Variants in GCM2 observed in about 807,000 individuals in gnomAD.
GCM2 encodes the protein GCM transcription factor 2.
Under a neutral mutation model 24.8 loss-of-function variants are expected in GCM2, and 21 were observed. That is an observed-to-expected ratio of 0.85 (90% CI 0.60 to 1.22). The LOEUF is 1.22. GCM2 is among the 50% of genes most tolerant of loss of function. GCM2 has a pLI of 0.00. For missense variants in GCM2, 532 were observed against 645.6 expected, an observed-to-expected ratio of 0.82 and a Z score of 1.91; for synonymous variants, 222 against 238.0, an observed-to-expected ratio of 0.93 and a Z score of 0.62.
chr6:10,878,230 TC>T (rs1404082444), intron 1 of GCM2, among the ~76,000 whole-genome samples: 1 of 152,224 alleles, frequency 6.6e-6, no homozygotes, highest in Non-Finnish European at 1.5e-5. Context: ...TATTTGGTAG[TC>T]TTTGTCAATT....
chr6:10,880,200 A>C (rs898849126), intron 1 of GCM2, among the ~76,000 whole-genome samples: 1 of 152,184 alleles, frequency 6.6e-6, no homozygotes, highest in Non-Finnish European at 1.5e-5. Context: ...GGTTGCAGTG[A>C]GCTGAGATCG....
chr6:10,875,552 A>T (rs578084457), intron 4 of GCM2, among the ~76,000 whole-genome samples: 1 of 152,212 alleles, frequency 6.6e-6, no homozygotes, highest in South Asian at 2.1e-4. Flanking sequence ...AATGGAAAGG[A>T]CCCTCTCAAG....
chr6:10,876,338 G>A, intron 3 of GCM2, 107 bp downstream of exon 3: 2 of 791,738 alleles, frequency 2.5e-6, no homozygotes, highest in South Asian at 1.4e-5. Context: ...TGGCCACTGG[G>A]GCTGTATTTT....
At chr6:10,877,101 G>A (rs1779893820) in intron 2 of GCM2, 39 bp downstream of exon 2, 3 of 1,604,026 alleles carry the variant, frequency 1.9e-6, no homozygotes, top group Non-Finnish European at 2.5e-6. Context: ...AAAAACTCAT[G>A]ACTCCAAGGT....
In GCM2 at chr6:10,877,180, C is replaced by A. The variant is rs387907432; in HGVS notation, c.303G>T (p.Leu101=). The A allele has an allele frequency of 1.9e-6, 3 of 1,613,850 alleles. No homozygotes were observed. The highest frequency in any genetic ancestry group is 2.5e-6 in the Non-Finnish European group (3 of 1,180,042). ...CTLPDGSRLQ[L]RPAICDKARL... ...GTGCCTTGTCGCAGATGGCCGGCCT[C>A]AGCTGCAGGCGGGAACCGTCGGGCA... is the stretch of plus-strand genomic sequence containing the variant. Residue 101 remains leucine (L), a synonymous_variant, in exon 2 of 5, where the codon CTG becomes CTT. Transcript: ENST00000379491.
chr6:10,881,601 TGTGTGTA>T, intron 1 of GCM2, 96 bp downstream of exon 1: 9 of 597,656 alleles, frequency 1.5e-5, no homozygotes, highest in Admixed American at 2.2e-5. Flanking sequence ...TGTGTGTGTG[TGTGTGTA>T]TGGTCCGTCC....
chr6:10,876,089 C>A, intron 3 of GCM2, 73 bp from the exon 4 acceptor site: 2 of 1,465,370 alleles, frequency 1.4e-6, no homozygotes, highest in South Asian at 2.3e-5. Flanking sequence ...AAAAATTGAT[C>A]ATGCCTTTCC....
chr6:10,874,119 T>A lies in GCM2; in HGVS notation c.1397A>T (p.Glu466Val). The change falls in exon 5 of 5, where the codon GAG (glutamate) becomes GTG (valine). Residue 466 changes from glutamate (E) to valine (V), a missense_variant. Around this residue, in one of 3 missense-constraint regions of GCM2, gnomAD observed 434 missense variants for 521.9 expected, o/e 0.83. Coordinates refer to ENST00000379491, the MANE Select transcript of GCM2 (RefSeq NM_004752.4). ...AIRPTVAIPH[E>V]PVSSRTDEAE... ...TTCATCTGTCCTAGAGGAAACTGGC[T>A]CGTGGGGAATAGCCACAGTGGGTCT... 6.2e-7 allele frequency: 1 copy of A among 1,614,208 alleles called. No homozygotes were observed. The highest frequency in any genetic ancestry group is 1.1e-5 in the South Asian group (1 of 91,078).
rs746307559 is a variant in GCM2, at chr6:10,875,981, G to T, written c.492C>A (p.Ser164Arg). The T allele has an allele frequency of 6.2e-7, 1 of 1,613,460 alleles. No individual in the cohort carries two copies. Among genetic ancestry groups the T allele is most frequent in the East Asian group, 2.2e-5 (1 of 44,872 alleles). Residue 164 changes from serine to arginine, a missense_variant, in exon 4 of 5, where the codon AGC (serine) becomes AGA (arginine). Transcript: ENST00000379491. Reference sequence around the variant, plus strand: ...TTCTTCTAGCTTCTGTCTCTGATTTGCTCTCTGGTCTTGGATGATCATGAA... The same window carrying T: ...TTCTTCTAGCTTCTGTCTCTGATTTTCTCTCTGGTCTTGGATGATCATGAA... ...KGVHDHPRPE[S>R]KSETEARRSA...
intron 2 of GCM2, 40 bp downstream of exon 2, chr6:10,877,100 T>C (rs375423126): frequency 3.1e-6 from 5 of 1,604,058 alleles, no homozygotes; most frequent in Non-Finnish European, 4.2e-6. Context: ...AAAAAACTCA[T>C]GACTCCAAGG....
At chr6:10,875,001 A>G (rs955596094) in intron 4 of GCM2, 68 bp from the exon 5 acceptor site, 12 of 1,110,362 alleles carry the variant, frequency 1.1e-5, no homozygotes, top group Non-Finnish European at 1.5e-5. Flanking sequence ...CTGTAACAAT[A>G]GCCTAGAAGT....
intron 3 of GCM2, 57 bp from the exon 4 acceptor site, chr6:10,876,073 T>G: frequency 6.3e-7 from 1 of 1,596,760 alleles, no homozygotes; most frequent in Non-Finnish European, 8.6e-7. Context: ...GCTGACAATG[T>G]TGCCCAAAAA....
chr6:10,874,158 TCTC>T lies in GCM2; in HGVS notation c.1355_1357del (p.Gly452del). 6.2e-7 allele frequency: 1 copy of T among 1,614,116 alleles called. No individual in the cohort carries two copies. Among genetic ancestry groups the T allele is most frequent in the Non-Finnish European group, 8.5e-7 (1 of 1,180,026 alleles). Reference sequence around the variant, plus strand: ...CACAGTGGGTCTGATGGCCCGGCAATCTCCTGCAATTTTCATAGGAGGTGGCCC... The same window carrying T: ...CACAGTGGGTCTGATGGCCCGGCAATCTGCAATTTTCATAGGAGGTGGCCC... On this transcript the variant is annotated inframe_deletion, in exon 5 of 5. Transcript: ENST00000379491.
intron 1 of GCM2, among the ~76,000 whole-genome samples, chr6:10,879,205 C>A (rs942195623): frequency 3.3e-5 from 5 of 152,042 alleles, no homozygotes; most frequent in Non-Finnish European, 7.4e-5. Flanking sequence ...GCTATCAACT[C>A]CAAGCTTATA....
chr6:10,874,078 C>A lies in GCM2; in HGVS notation c.1438G>T (p.Val480Leu). The change falls in exon 5 of 5, where the codon GTG (valine) becomes TTG (leucine). Residue 480 changes from valine to leucine, a missense_variant. Around this residue, in one of 3 missense-constraint regions of GCM2, gnomAD observed 434 missense variants for 521.9 expected, o/e 0.83. Coordinates refer to ENST00000379491, the MANE Select transcript of GCM2 (RefSeq NM_004752.4). ...GCGGAGCCCAGCCCAGACAGACACA[C>A]ATCCCAAGTCTCTGCTTCATCTGTC... Reference protein sequence around the residue: ...SRTDEAETWDVCLSGLGSAVS... With the variant: ...SRTDEAETWDLCLSGLGSAVS... 1 of 1,614,256 alleles carries A rather than the reference C, an allele frequency of 6.2e-7. No individual in the cohort carries two copies. The highest frequency in any genetic ancestry group is 1.3e-5 in the African/African-American group (1 of 75,072).
chr6:10,874,128 A>G lies in GCM2; in HGVS notation c.1388T>C (p.Ile463Thr). The G allele has an allele frequency of 6.2e-7, 1 of 1,614,216 alleles. No individual in the cohort carries two copies. Among genetic ancestry groups the G allele is most frequent in the Non-Finnish European group, 8.5e-7 (1 of 1,180,034 alleles). The change falls in exon 5 of 5, where the codon ATT becomes ACT. Residue 463 changes from isoleucine to threonine, a missense_variant. By Grantham distance (89) the Ile-to-Thr change is moderately conservative. This residue lies in a region of GCM2 where 434 missense variants were observed against 521.9 expected (regional missense o/e 0.83). Coordinates refer to ENST00000379491, the MANE Select transcript of GCM2 (RefSeq NM_004752.4). ...CCTAGAGGAAACTGGCTCGTGGGGA[A>G]TAGCCACAGTGGGTCTGATGGCCCG... ...DCRAIRPTVAIPHEPVSSRTD... is the reference protein window; with the variant it reads ...DCRAIRPTVATPHEPVSSRTD...
chr6:10,875,872 A>T lies in GCM2; in HGVS notation c.582+19T>A. 2 of 1,613,012 alleles carry T rather than the reference A, an allele frequency of 1.2e-6. No homozygotes were observed. Among genetic ancestry groups the T allele is most frequent in the Non-Finnish European group, 1.7e-6 (2 of 1,179,090 alleles). ...TGAAAATGAGCTGAGACCACTGTGC[A>T]CTATCAGCTCCCTGTTACCTCGGAT... On this transcript the variant is annotated intron_variant, in intron 4 of 4. Transcript: ENST00000379491.
rs140246165 is a variant in GCM2, at chr6:10,874,180, G to T, written c.1336C>A (p.Pro446Thr). Residue 446 changes from proline to threonine, a missense_variant, in exon 5 of 5, where the codon CCT (proline) becomes ACT (threonine). Pro to Thr is a conservative substitution (Grantham distance 38). Coordinates refer to ENST00000379491, the MANE Select transcript of GCM2 (RefSeq NM_004752.4). ...CAATCTCCTGCAATTTTCATAGGAG[G>T]TGGCCCTGAAGGAGAGGCTGCCCTG... Reference protein sequence around the residue: ...VTRAASPSGPPPMKIAGDCRA... With the variant: ...VTRAASPSGPTPMKIAGDCRA... 45 of 1,614,108 alleles carry T rather than the reference G, an allele frequency of 2.8e-5. No individual in the cohort carries two copies. In the African/African-American group the frequency reaches 5.9e-4, roughly 21 times the overall value.
At chr6:10,876,324 T>C in intron 3 of GCM2, 121 bp downstream of exon 3, 1 of 758,430 alleles carries the variant, frequency 1.3e-6, no homozygotes, top group Non-Finnish European at 2.4e-6. Context: ...CCAGCACCTA[T>C]TTCTGGCCAC....
Sources: allele counts gnomAD v4.1 joint callset (sites outside exome capture counted in the v4.1 genomes callset), GRCh38; gene constraint gnomAD v4.1.1; regional missense constraint gnomAD v4.1.1; transcripts MANE v1.5; gene names NCBI Gene and HGNC (gene_info 2026-07-23, HGNC 2026-07-21).